The following IGFN1 variants were observed in gnomAD, a reference collection of about 807,000 sequenced individuals.
IGFN1 encodes immunoglobulin-like and fibronectin type III domain-containing protein 1.
A neutral mutation model predicts 289.5 loss-of-function variants in IGFN1; 253 were observed. That is an observed-to-expected ratio of 0.87 (90% confidence interval 0.79 to 0.97). The LOEUF is 0.97. Among genes scored for constraint, IGFN1 ranks in the 50% least tolerant of loss-of-function variants. The probability of loss-of-function intolerance (pLI) is 0.00; values close to 1 mark genes in which losing one functional copy is unlikely to be tolerated. For missense variants in IGFN1, 4,470 were observed against 4,686.1 expected (o/e 0.95, Z 1.35); for synonymous variants, 1,706 against 1,788.5 (o/e 0.95, Z 1.16).
chr1:201,222,851 G>A, intron 20 of IGFN1, 24 bp downstream of exon 20: 2 of 1,576,730 alleles, frequency 1.3e-6, no homozygotes, highest in Non-Finnish European at 1.7e-6. Flanking sequence ...CAGGGGTGTG[G>A]GGAGGGAAGC....
Position 201,206,873 on chromosome 1 carries a change from C to T in IGFN1, c.1980C>T (p.Gly660=). 1 of 1,535,980 alleles carries T rather than the reference C, an allele frequency of 6.5e-7. No homozygotes were observed. The highest frequency in any genetic ancestry group is 8.7e-7 in the Non-Finnish European group (1 of 1,146,362). The change falls in exon 12 of 24, where the codon GGC becomes GGT. Residue 660 remains glycine (G), a synonymous_variant. Coordinates refer to ENST00000335211, the MANE Select transcript of IGFN1 (RefSeq NM_001164586.2). ...RGIVVWGGGT[G]LGEAGDSNGA... ...TAGTAGTGTGGGGTGGTGGGACTGGCCTGGGAGAAGCTGGAGACAGCAATG... is the reference window on the plus strand; with the variant it reads ...TAGTAGTGTGGGGTGGTGGGACTGGTCTGGGAGAAGCTGGAGACAGCAATG...
rs866664862 is a variant in IGFN1, at chr1:201,215,386, T to C, written c.8996-153T>C. Among the ~76,000 whole-genome samples the C allele has an allele frequency of 4.6e-5, 7 of 152,338 alleles. No individual in the cohort carries two copies. In the Middle Eastern group the frequency reaches 0.01, roughly 222 times the overall value. Reference sequence around the variant, plus strand: ...GAGGTCTAAGCCTGGTCTCTTCTGCTGCAGATGAAGCCCCTTCCCCTTGTT... The same window carrying C: ...GAGGTCTAAGCCTGGTCTCTTCTGCCGCAGATGAAGCCCCTTCCCCTTGTT... On this transcript the variant is annotated intron_variant, in intron 14 of 23. Transcript: ENST00000335211.
intron 11 of IGFN1, 110 bp downstream of exon 11, chr1:201,205,464 A>G: frequency 1.6e-6 from 2 of 1,229,536 alleles, no homozygotes. Context: ...GAGAATAAGG[A>G]AAGCTCCTTA....
rs1490641401 is a variant in IGFN1, at chr1:201,210,877, A to G, written c.5984A>G (p.Glu1995Gly). The G allele has an allele frequency of 6.5e-7, 1 of 1,530,622 alleles. No individual in the cohort carries two copies. Among genetic ancestry groups the G allele is most frequent in the Non-Finnish European group, 8.7e-7 (1 of 1,144,972 alleles). The allele number at this position is 1,530,622 out of a possible 1,614,324, so 94.8% of individuals were successfully genotyped here. ...GGSEEMGSMD[E>G]AGYRKDLGAP... ...TCTGAGGAAATGGGGTCAATGGATG[A>G]GGCAGGTTATAGGAAGGATTTGGGG... The change falls in exon 12 of 24, where the codon GAG becomes GGG. Residue 1995 changes from glutamate to glycine, a missense_variant. By Grantham distance (98) the Glu-to-Gly change is moderately conservative. Transcript: ENST00000335211.
At position 201,221,553 on chromosome 1, in the gene IGFN1, T is replaced by C. The variant is rs750435320; in HGVS notation, c.10008T>C (p.Tyr3336=). ...DTQEGDEAQG[Y]VVELCSSDSL... Reference sequence around the variant, plus strand: ...AGGAAGGGGATGAAGCCCAGGGGTATGTGGTGGAGCTGTGCAGCTCAGACA... The same window carrying C: ...AGGAAGGGGATGAAGCCCAGGGGTACGTGGTGGAGCTGTGCAGCTCAGACA... Residue 3336 remains tyrosine (Y), a synonymous_variant, in exon 19 of 24, where the codon TAT becomes TAC. Transcript: ENST00000335211. The C allele has an allele frequency of 3.1e-6, 5 of 1,614,046 alleles. No individual in the cohort carries two copies. In the South Asian group the frequency reaches 5.5e-5, roughly 18 times the overall value.
At position 201,195,879 on chromosome 1, in the gene IGFN1, C is replaced by G. The variant is rs1007863623; in HGVS notation, c.168C>G (p.Pro56=). The G allele has an allele frequency of 1.9e-6, 3 of 1,551,730 alleles. No homozygotes were observed. The highest frequency in any genetic ancestry group is 1.7e-6 in the Non-Finnish European group (2 of 1,146,984). The change falls in exon 4 of 24, where the codon CCC becomes CCG. Residue 56 remains proline (P), a synonymous_variant. Coordinates refer to ENST00000335211, the MANE Select transcript of IGFN1 (RefSeq NM_001164586.2). ...TTCGGGCTGTGGTCTGTGGGGAGCC[C>G]AGGCCCGAGGTGCGTTGGCAGAACT... ...AVFRAVVCGE[P]RPEVRWQNSK... is the part of the protein sequence containing the mutation.
At chr1:201,219,687 G>A (rs1217740099) in intron 18 of IGFN1, among the ~76,000 whole-genome samples, 1 of 152,252 alleles carries the variant, frequency 6.6e-6, no homozygotes, top group Non-Finnish European at 1.5e-5. Context: ...AACACCTGGA[G>A]AGCATCTCTG....
At position 201,206,406 on chromosome 1, in the gene IGFN1, G is replaced by A. The variant is rs868696639; in HGVS notation, c.1513G>A (p.Glu505Lys). Residue 505 changes from glutamate to lysine, a missense_variant, in exon 12 of 24, where the codon GAA becomes AAA. Physicochemically the swap from Glu to Lys is moderately conservative, Grantham distance 56. Around this residue, in one of 8 missense-constraint regions of IGFN1, gnomAD observed 2,011 missense variants for 1,953.4 expected, o/e 1.03. Coordinates refer to ENST00000335211, the MANE Select transcript of IGFN1 (RefSeq NM_001164586.2). ...GGGAAGCAGAGCCACTCTTCCCAGG[G>A]AAAATCAATCCCACAGAGAGGGAGG... ...AEGSRATLPR[E>K]NQSHREGGWA... 1 of 1,550,942 alleles carries A rather than the reference G, an allele frequency of 6.4e-7. No homozygotes were observed. Among genetic ancestry groups the A allele is most frequent in the Non-Finnish European group, 8.7e-7 (1 of 1,146,990 alleles).
chr1:201,196,886 CTGAAG>C (rs1217272975), intron 4 of IGFN1, among the ~76,000 whole-genome samples: 1 of 152,140 alleles, frequency 6.6e-6, no homozygotes, highest in Non-Finnish European at 1.5e-5. Flanking sequence ...AATGAAGAAA[CTGAAG>C]TTGAGAGAAG....
chr1:201,217,954 C>T (rs1653439915), intron 17 of IGFN1, among the ~76,000 whole-genome samples: 1 of 152,220 alleles, frequency 6.6e-6, no homozygotes, highest in Admixed American at 6.5e-5. Context: ...TCCAAAGAAA[C>T]AAACTGCATT....
Position 201,206,302 on chromosome 1 carries a change from A to C in IGFN1, c.1409A>C (p.Tyr470Ser). The C allele has an allele frequency of 1.3e-6, 2 of 1,550,102 alleles. No homozygotes were observed. Among genetic ancestry groups the C allele is most frequent in the Non-Finnish European group, 1.7e-6 (2 of 1,146,812 alleles). The change falls in exon 12 of 24, where the codon TAC becomes TCC. Residue 470 changes from tyrosine (Y) to serine (S), a missense_variant. By Grantham distance (144) the Tyr-to-Ser change is moderately radical. Around this residue, in one of 8 missense-constraint regions of IGFN1, gnomAD observed 2,011 missense variants for 1,953.4 expected, o/e 1.03. Transcript: ENST00000335211. ...PDRDGLGRHG[Y>S]SLMGDKGTAD... ...AGGGATGGCCTTGGCAGACATGGCT[A>C]CTCCTTGATGGGGGACAAAGGGACA...
chr1:201,209,876 G>A lies in IGFN1; in HGVS notation c.4983G>A (p.Gly1661=), dbSNP rs1667644729. The A allele has an allele frequency of 2.0e-6, 3 of 1,478,762 alleles. No homozygotes were observed. Among genetic ancestry groups the A allele is most frequent in the East Asian group, 2.6e-5 (1 of 39,186 alleles). 91.6% of individuals were successfully genotyped at this position (1,478,762 alleles called of 1,614,324 possible). ...AGGCAGGTTTTAGGGATGGTTTAGG[G>A]AGTTCTGGGGAAATGGGGTCAATGG... is the stretch of plus-strand genomic sequence containing the variant. ...GSKAGFRDGL[G]SSGEMGSMDE... is the part of the protein sequence containing the mutation. The change falls in exon 12 of 24, where the codon GGG becomes GGA. Residue 1661 remains glycine (G), a synonymous_variant. Coordinates refer to ENST00000335211, the MANE Select transcript of IGFN1 (RefSeq NM_001164586.2).
Position 201,211,807 on chromosome 1 carries a change from G to T in IGFN1, c.6914G>T (p.Arg2305Met). The change falls in exon 12 of 24, where the codon AGG (arginine) becomes ATG (methionine). Residue 2305 changes from arginine to methionine, a missense_variant. This residue lies in a region of IGFN1 where 2,218 missense variants were observed against 2,114.1 expected (regional missense o/e 1.05). Coordinates refer to ENST00000335211, the MANE Select transcript of IGFN1 (RefSeq NM_001164586.2). Reference protein sequence around the residue: ...RNPLGSEAGSRGSLEDSGYIL... With the variant: ...RNPLGSEAGSMGSLEDSGYIL... ...CCATTAGGGAGCGAGGCAGGTTCTAGGGGTAGTTTGGAGGATTCTGGGTAC... is the reference window on the plus strand; with the variant it reads ...CCATTAGGGAGCGAGGCAGGTTCTATGGGTAGTTTGGAGGATTCTGGGTAC... 6.5e-7 allele frequency: 1 copy of T among 1,536,804 alleles called. No individual in the cohort carries two copies. Among genetic ancestry groups the T allele is most frequent in the Middle Eastern group, 1.7e-4 (1 of 5,986 alleles).
rs1397044429 is a variant in IGFN1 at position 201,205,270 on chromosome 1, G to C, written c.1105G>C (p.Val369Leu). The C allele has an allele frequency of 1.9e-6, 3 of 1,550,962 alleles. No homozygotes were observed. In the Admixed American group the frequency reaches 5.9e-5, roughly 30 times the overall value. Residue 369 changes from valine (V) to leucine (L), a missense_variant, in exon 11 of 24, where the codon GTG (valine) becomes CTG (leucine). This residue lies in a region of IGFN1 where 2,011 missense variants were observed against 1,953.4 expected (regional missense o/e 1.03). Coordinates refer to ENST00000335211, the MANE Select transcript of IGFN1 (RefSeq NM_001164586.2). ...SPDGLTHRLV[V>L]RGARFSDMGP... ...TGACGGGCTGACCCACCGGCTGGTG[G>C]TGAGGGGGGCACGTTTCTCAGACAT...
chr1:201,216,433 C>G, intron 15 of IGFN1, 21 bp from the exon 16 acceptor site: 1 of 1,522,640 alleles, frequency 6.6e-7, no homozygotes, highest in Non-Finnish European at 8.8e-7. Flanking sequence ...CCTCTTCCCG[C>G]TCCTCTCTGT....
chr1:201,215,176 C>A, intron 14 of IGFN1, 22 bp downstream of exon 14: 1 of 1,608,240 alleles, frequency 6.2e-7, no homozygotes, highest in Non-Finnish European at 8.5e-7. Flanking sequence ...CCCTGCCCTG[C>A]CCTGCCCTGT....
chr1:201,195,058 C>G (rs142978902), intron 3 of IGFN1, among the ~76,000 whole-genome samples: 2 of 151,992 alleles, frequency 1.3e-5, no homozygotes, highest in Admixed American at 1.3e-4. Flanking sequence ...GTCTCAGCAC[C>G]GGATCCTTCG....
intron 18 of IGFN1, among the ~76,000 whole-genome samples, chr1:201,219,564 C>T (rs775021655): frequency 4.6e-5 from 7 of 152,224 alleles, no homozygotes; most frequent in Admixed American, 1.3e-4. Flanking sequence ...CACTCCAAGG[C>T]GTACAGCTTA....
Position 201,226,118 on chromosome 1 carries a change from A to T in IGFN1, c.10781A>T (p.Gln3594Leu). 1 of 1,587,926 alleles carries T rather than the reference A, an allele frequency of 6.3e-7. No individual in the cohort carries two copies. Among genetic ancestry groups the T allele is most frequent in the Non-Finnish European group, 8.6e-7 (1 of 1,165,462 alleles). The change falls in exon 22 of 24, where the codon CAG becomes CTG. Residue 3594 changes from glutamine (Q) to leucine (L), a missense_variant. This residue lies in a region of IGFN1 where 2,218 missense variants were observed against 2,114.1 expected (regional missense o/e 1.05). Coordinates refer to ENST00000335211, the MANE Select transcript of IGFN1 (RefSeq NM_001164586.2). ...DTSQPWCIPR[Q>L]RDRFTVKAPC... ...AGCCAGCCCTGGTGCATCCCCCGGCAGCGCGGTAAGCAGCCCCTGAGAGGG... is the reference window on the plus strand; with the variant it reads ...AGCCAGCCCTGGTGCATCCCCCGGCTGCGCGGTAAGCAGCCCCTGAGAGGG...
Sources: gnomAD v4.1 joint callset for allele counts (sites outside exome capture counted in the v4.1 genomes callset) on GRCh38, gnomAD v4.1.1 for gene constraint, gnomAD v4.1.1 regional missense constraint, MANE v1.5 for transcripts, NCBI Gene and HGNC (gene_info 2026-07-23, HGNC 2026-07-21) for gene names.